PVT1: variants seen among roughly 807,000 people sequenced by gnomAD.
PVT1 encodes CXCR4/PVT1 fusion.
chr8:128,068,559 C>T (rs1053463848), intron 4 of PVT1, among the ~76,000 whole-genome samples: 3 of 152,122 alleles, frequency 2.0e-5, no homozygotes, highest in East Asian at 3.9e-4. Context: ...TGCAGTGGTG[C>T]GATCTCGGCT....
At chr8:128,048,125 T>C (rs1464015129) in intron 4 of PVT1, among the ~76,000 whole-genome samples, 1 of 152,230 alleles carries the variant, frequency 6.6e-6, no homozygotes, top group Admixed American at 6.5e-5. Context: ...TCTGTGGCTA[T>C]TGCCTCTTTA....
chr8:127,936,112 C>CCAGAGT, intron 3 of PVT1, among the ~76,000 whole-genome samples: 1 of 144,460 alleles, frequency 6.9e-6, no homozygotes, highest in Non-Finnish European at 1.5e-5. Context: ...AGTGCAATGG[C>CCAGAGT]GCGATCTTGG....
chr8:128,029,949 A>G (rs1813369885), intron 4 of PVT1, among the ~76,000 whole-genome samples: 1 of 152,126 alleles, frequency 6.6e-6, no homozygotes, highest in South Asian at 2.1e-4. Flanking sequence ...TCTTTATAAA[A>G]ATTTTTTTTA....
At chr8:127,982,002 G>T (rs1366945556) in intron 3 of PVT1, among the ~76,000 whole-genome samples, 4 of 152,144 alleles carry the variant, frequency 2.6e-5, no homozygotes, top group African/African-American at 9.7e-5. Context: ...GACTTTAGAA[G>T]CCCAGTCTCT....
At chr8:127,895,784 T>G (rs1815667332) in intron 3 of PVT1, among the ~76,000 whole-genome samples, 1 of 152,248 alleles carries the variant, frequency 6.6e-6, no homozygotes, top group Non-Finnish European at 1.5e-5. Flanking sequence ...ATTGGCAAAC[T>G]TTTTATATCA....
intron 2 of PVT1, among the ~76,000 whole-genome samples, chr8:127,805,189 C>G (rs1814512392): frequency 6.6e-6 from 1 of 152,102 alleles, no homozygotes; most frequent in Non-Finnish European, 1.5e-5. Context: ...CTTGGCCTCC[C>G]AAAGTGCTGG....
intron 3 of PVT1, among the ~76,000 whole-genome samples, chr8:127,916,543 T>A (rs182618766): frequency 5.9e-5 from 9 of 152,250 alleles, no homozygotes; most frequent in African/African-American, 2.2e-4. Flanking sequence ...CATGGATTGA[T>A]GTGTCCGTAT....
intron 4 of PVT1, among the ~76,000 whole-genome samples, chr8:128,037,247 T>C (rs1161745821): frequency 2.0e-5 from 3 of 152,248 alleles, no homozygotes; most frequent in Admixed American, 6.5e-5. Flanking sequence ...TCTCCTCACC[T>C]GTCTTTCAGT....
At chr8:127,936,409 A>G (rs1198459381) in intron 3 of PVT1, among the ~76,000 whole-genome samples, 2 of 152,126 alleles carry the variant, frequency 1.3e-5, no homozygotes, top group East Asian at 3.9e-4. Flanking sequence ...AGAACTCTCT[A>G]TTGAATGAGG....
chr8:128,056,880 C>T (rs1183032946), intron 4 of PVT1, among the ~76,000 whole-genome samples: 1 of 152,190 alleles, frequency 6.6e-6, no homozygotes, highest in African/African-American at 2.4e-5. Flanking sequence ...CTTCTTTACT[C>T]TCTGGTTAAT....
intron 2 of PVT1, among the ~76,000 whole-genome samples, chr8:127,823,165 G>C (rs550539992): frequency 6.6e-6 from 1 of 152,282 alleles, no homozygotes; most frequent in South Asian, 2.1e-4. Flanking sequence ...TTATCTGCAT[G>C]AGAAAAGCGC....
chr8:128,027,693 G>A (rs1316335607), intron 4 of PVT1, among the ~76,000 whole-genome samples: 2 of 152,228 alleles, frequency 1.3e-5, no homozygotes, highest in Non-Finnish European at 2.9e-5. Context: ...AGGTGGCCAA[G>A]GTAGGGGCCC....
At chr8:127,902,354 G>A (rs1040237989) in intron 3 of PVT1, among the ~76,000 whole-genome samples, 1 of 151,822 alleles carries the variant, frequency 6.6e-6, no homozygotes, top group African/African-American at 2.4e-5. Flanking sequence ...GGTTCCGGCT[G>A]TGTGCAAGGC....
At chr8:127,798,923 C>G (rs1814430840) in intron 2 of PVT1, among the ~76,000 whole-genome samples, 1 of 151,972 alleles carries the variant, frequency 6.6e-6, no homozygotes, top group Non-Finnish European at 1.5e-5. Flanking sequence ...TAATCATTTG[C>G]AAGAGGCTGC....
Position 127,926,158 on chromosome 8 carries a change from C to T in PVT1, n.782+35160C>T, listed in dbSNP as rs552934945. Among the ~76,000 whole-genome samples the T allele has an allele frequency of 6.3e-4, 96 of 152,264 alleles. 1 individual carries two copies. Among genetic ancestry groups the T allele is most frequent in the South Asian group, 1.7e-3 (8 of 4,826 alleles). On this transcript the variant is annotated intron_variant and non_coding_transcript_variant, in intron 3 of 10. Coordinates refer to ENST00000651587, the Ensembl canonical transcript of PVT1. The stretch of plus-strand genomic sequence containing the variant: ...TGGTTCTTTTCCTGCCCCTGGTGTC[C>T]CTCTAAGACCCAGATGTTTCCAGCA...
At chr8:127,961,490 T>C (rs1239811051) in intron 3 of PVT1, among the ~76,000 whole-genome samples, 2 of 152,138 alleles carry the variant, frequency 1.3e-5, no homozygotes, top group Admixed American at 1.3e-4. Flanking sequence ...GTGATGGGGA[T>C]TGTTTGGGCT....
At chr8:127,921,910 G>T (rs906121191) in intron 3 of PVT1, among the ~76,000 whole-genome samples, 4 of 123,212 alleles carry the variant, frequency 3.2e-5, no homozygotes, top group African/African-American at 1.2e-4. Flanking sequence ...ATCTAGGCTG[G>T]AGTGCAGTGG....
At chr8:128,078,033 A>G (rs1245682725) in intron 5 of PVT1, among the ~76,000 whole-genome samples, 3 of 152,194 alleles carry the variant, frequency 2.0e-5, no homozygotes, top group Non-Finnish European at 4.4e-5. Flanking sequence ...TGCACTTCCA[A>G]GTCTGACTTA....
chr8:127,943,194 C>G (rs1816373178), intron 3 of PVT1, among the ~76,000 whole-genome samples: 1 of 152,164 alleles, frequency 6.6e-6, no homozygotes. Context: ...TCCCCAGATC[C>G]TAACGCGAAG....
Sources: allele counts gnomAD v4.1 joint callset (sites outside exome capture counted in the v4.1 genomes callset), GRCh38; gene constraint gnomAD v4.1.1; transcripts MANE v1.5; gene names NCBI Gene and HGNC (gene_info 2026-07-23, HGNC 2026-07-21).